Variants in FBXL13 observed in about 807,000 individuals in gnomAD.
FBXL13 encodes the protein F-box and leucine rich repeat protein 13, also known as F-box and leucine-rich repeat protein 13.
FBXL13 carries 67 observed loss-of-function variants against 83.6 expected under a neutral mutation model. That is an observed-to-expected ratio of 0.80 (90% CI 0.66 to 0.98). FBXL13 has a LOEUF of 0.98. FBXL13 is among the 50% of genes least tolerant of loss of function. FBXL13 has a pLI of 0.00. For missense variants in FBXL13, 822 were observed against 866.5 expected (o/e 0.95, Z 0.64); for synonymous variants, 272 against 299.5 (o/e 0.91, Z 0.95).
intron 6 of FBXL13, among the ~76,000 whole-genome samples, chr7:103,018,902 C>T (rs1440898023): frequency 1.3e-5 from 2 of 149,636 alleles, no homozygotes; most frequent in Non-Finnish European, 3.0e-5. Context: ...CCACTGTCAA[C>T]ATTAGACAGA....
At chr7:102,878,102 C>T (rs1359534921) in intron 15 of FBXL13, among the ~76,000 whole-genome samples, 1 of 152,136 alleles carries the variant, frequency 6.6e-6, no homozygotes, top group Admixed American at 6.5e-5. Flanking sequence ...TTCATCATTT[C>T]AGGAACGACT....
At chr7:102,890,097 A>G (rs560539252) in intron 11 of FBXL13, among the ~76,000 whole-genome samples, 159 of 152,296 alleles carry the variant, frequency 1.0e-3, no homozygotes, top group Non-Finnish European at 1.7e-3. Flanking sequence ...ATATCCAAAA[A>G]GATATTTGGC....
chr7:102,963,293 C>G (rs1184621299), intron 8 of FBXL13, among the ~76,000 whole-genome samples: 3 of 151,420 alleles, frequency 2.0e-5, no homozygotes, highest in Admixed American at 6.6e-5. Context: ...TGCACTCCAG[C>G]CTGGGAGACA....
rs1828601994 is a variant in FBXL13 at position 102,983,880 on chromosome 7, C to G, written c.496-15763G>C. ...GTGGCTAAAGGAGATAAGACTCTCCCTCAGGGCACATGTGGAAGCTTTCAG... is the reference window on the plus strand; with the variant it reads ...GTGGCTAAAGGAGATAAGACTCTCCGTCAGGGCACATGTGGAAGCTTTCAG... On this transcript the variant is annotated intron_variant, in intron 6 of 19. Coordinates refer to ENST00000313221, the Ensembl canonical transcript of FBXL13. Among the ~76,000 whole-genome samples the G allele has an allele frequency of 1.3e-5, 2 of 152,128 alleles. 1 individual carries two copies. Among genetic ancestry groups the G allele is most frequent in the Admixed American group, 1.3e-4 (2 of 15,282 alleles).
intron 6 of FBXL13, among the ~76,000 whole-genome samples, chr7:103,003,432 T>C (rs11975065): frequency 0.012 from 1,664 of 139,680 alleles, 35 homozygotes; most frequent in African/African-American, 0.043. Context: ...GGATTACAGG[T>C]GCACGCCACC....
rs978102954 is a variant in FBXL13, at chr7:102,826,939, G to C, written c.1855-4736C>G. On this transcript the variant is annotated intron_variant, in intron 18 of 19. Coordinates refer to ENST00000313221, the Ensembl canonical transcript of FBXL13. ...TGCTATATTTGGCTATTTCCTAAGA[G>C]CTCTATCGTATTATTTTCATTTATT... is the stretch of plus-strand genomic sequence containing the variant. Among the ~76,000 whole-genome samples, 3 of 150,698 alleles carry C rather than the reference G, an allele frequency of 2.0e-5. No homozygotes were observed. The Admixed American group carries it at 2.0e-4, about 10-fold the overall frequency.
At chr7:103,034,946 C>T (rs1794928141) in intron 2 of FBXL13, among the ~76,000 whole-genome samples, 1 of 152,186 alleles carries the variant, frequency 6.6e-6, no homozygotes, top group African/African-American at 2.4e-5. Flanking sequence ...TATTTCCTTT[C>T]AAAGCTGGTG....
intron 1 of FBXL13, among the ~76,000 whole-genome samples, chr7:103,059,511 G>A (rs1198445948): frequency 4.6e-5 from 7 of 151,996 alleles, no homozygotes; most frequent in Non-Finnish European, 1.0e-4. Context: ...TAAGATTAAC[G>A]TTTGACTCTC....
At chr7:102,819,142 T>G (rs551974482) in intron 19 of FBXL13, among the ~76,000 whole-genome samples, 84 of 152,302 alleles carry the variant, frequency 5.5e-4, no homozygotes, top group Non-Finnish European at 1.1e-3. Flanking sequence ...TCCTGGGTTG[T>G]GGGGGCCATT....
intron 8 of FBXL13, chr7:102,934,417 T>C: frequency 1.1e-5 from 17 of 1,614,172 alleles, no homozygotes; most frequent in Non-Finnish European, 1.4e-5. Context: ...GGCACTGTAC[T>C]TGTGAGATAG....
chr7:102,970,492 G>T (rs989952818), intron 6 of FBXL13, among the ~76,000 whole-genome samples: 3 of 152,114 alleles, frequency 2.0e-5, no homozygotes, highest in African/African-American at 7.2e-5. Flanking sequence ...GTGCAAAGAG[G>T]TTCCACTGGT....
intron 14 of FBXL13, among the ~76,000 whole-genome samples, chr7:102,879,210 C>T (rs751956637): frequency 2.0e-5 from 3 of 152,172 alleles, no homozygotes; most frequent in Non-Finnish European, 4.4e-5. Context: ...CACAACAGCT[C>T]TACAGGTGGG....
At chr7:102,927,073 A>G (rs1173515344) in intron 9 of FBXL13, among the ~76,000 whole-genome samples, 1 of 152,222 alleles carries the variant, frequency 6.6e-6, no homozygotes, top group Non-Finnish European at 1.5e-5. Flanking sequence ...TGGGACCATG[A>G]AATAAGAGAG....
chr7:103,067,929 A>G (rs892311233), intron 1 of FBXL13, among the ~76,000 whole-genome samples: 5 of 152,264 alleles, frequency 3.3e-5, no homozygotes, highest in Admixed American at 3.3e-4. Context: ...CAGTGCAAAG[A>G]TAATTGAATG....
At chr7:102,857,433 A>G (rs1806191266) in intron 16 of FBXL13, 2 of 152,402 alleles carry the variant, frequency 1.3e-5, no homozygotes, top group Non-Finnish European at 2.9e-5. Context: ...CCAAGCAGAC[A>G]TTTCTCAAAA....
chr7:102,870,271 C>G (rs931041037), intron 16 of FBXL13, among the ~76,000 whole-genome samples: 16 of 152,116 alleles, frequency 1.1e-4, no homozygotes, highest in Non-Finnish European at 2.2e-4. Flanking sequence ...ATTAGGAACT[C>G]AACAACACTT....
intron 2 of FBXL13, 63 bp from the exon 4 acceptor site, chr7:103,029,481 C>T (rs1328721580): frequency 7.9e-6 from 7 of 885,708 alleles, no homozygotes; most frequent in Non-Finnish European, 1.1e-5. Flanking sequence ...CAGACTACCT[C>T]TGCAAGATAC....
intron 7 of FBXL13, among the ~76,000 whole-genome samples, chr7:102,964,701 C>A (rs1271208030): frequency 1.3e-5 from 2 of 152,210 alleles, no homozygotes; most frequent in African/African-American, 2.4e-5. Flanking sequence ...CCATGCCTGG[C>A]CACTTTTGTG....
intron 16 of FBXL13, among the ~76,000 whole-genome samples, chr7:102,875,507 C>T (rs543573438): frequency 4.6e-5 from 7 of 151,956 alleles, no homozygotes; most frequent in Non-Finnish European, 1.0e-4. Context: ...TTGGAACCCC[C>T]GGGTAGGCTT....
Sources: allele counts gnomAD v4.1 joint callset (sites outside exome capture counted in the v4.1 genomes callset), GRCh38; gene constraint gnomAD v4.1.1; transcripts MANE v1.5; gene names NCBI Gene and HGNC (gene_info 2026-07-23, HGNC 2026-07-21).